ABCC6: variants seen among roughly 807,000 people sequenced by gnomAD.
ABCC6 encodes the protein ATP binding cassette subfamily C member 6.
Under a neutral mutation model 169.5 loss-of-function variants are expected in ABCC6, and 126 were observed. The ratio of observed to expected loss-of-function variants is 0.74; its 90% CI spans 0.64 to 0.86. ABCC6 has a LOEUF of 0.86. ABCC6 is among the 40% of genes least tolerant of loss of function. The probability of loss-of-function intolerance (pLI) is 0.00; values close to 1 mark genes in which losing one functional copy is unlikely to be tolerated. For missense variants in ABCC6, 1,733 were observed against 1,927.2 expected (o/e 0.90, Z 1.89); for synonymous variants, 752 against 814.7 (o/e 0.92, Z 1.31).
intron 23 of ABCC6, among the ~76,000 whole-genome samples, chr16:16,165,031 A>G (rs1458767406): frequency 6.6e-6 from 1 of 152,254 alleles, no homozygotes; most frequent in Non-Finnish European, 1.5e-5. Context: ...AGACCTTGCA[A>G]TGCCTTTTTG....
intron 7 of ABCC6, among the ~76,000 whole-genome samples, chr16:16,205,569 G>C (rs2048369620): frequency 6.6e-6 from 1 of 152,070 alleles, no homozygotes. Context: ...CTGTTACTGA[G>C]TGGGTGTGGC....
At position 16,169,715 on chromosome 16, in the gene ABCC6, C is replaced by A. The variant is rs1310683915; in HGVS notation, c.2926G>T (p.Ala976Ser). The change falls in exon 22 of 31, where the codon GCA becomes TCA. Residue 976 changes from alanine to serine, a missense_variant. Transcript: ENST00000205557. ...YWLSLWADDP[A>S]VGGQQTQAAL... ...GCCTGCGTCTGCTGCCCACCTACTG[C>A]AGGGTCGTCCGCCCACAGGCTCAGC... 2 of 1,610,696 alleles carry A rather than the reference C, an allele frequency of 1.2e-6. No homozygotes were observed. The highest frequency in any genetic ancestry group is 1.7e-6 in the Non-Finnish European group (2 of 1,179,278).
chr16:16,188,850 G>A lies in ABCC6; in HGVS notation c.1760C>T (p.Ser587Phe). Reference sequence around the variant, plus strand: ...CCTCACCTGGACGAGGGAGTGGATGGAGAAGGGCAGGAAAGCCTGGGCCTT... The same window carrying A: ...CCTCACCTGGACGAGGGAGTGGATGAAGAAGGGCAGGAAAGCCTGGGCCTT... ...LNKAQAFLPF[S>F]IHSLVQARVS... The change falls in exon 13 of 31, where the codon TCC becomes TTC. Residue 587 changes from serine to phenylalanine, a missense_variant. By Grantham distance (155) the Ser-to-Phe change is radical. Coordinates refer to ENST00000205557, the MANE Select transcript of ABCC6 (RefSeq NM_001171.6). 2 of 1,614,004 alleles carry A rather than the reference G, an allele frequency of 1.2e-6. No homozygotes were observed. The highest frequency in any genetic ancestry group is 1.7e-6 in the Non-Finnish European group (2 of 1,179,990).
chr16:16,198,009 C>T lies in ABCC6; in HGVS notation c.1338+12G>A. ...GACTCCGTTCAAATCCCGTCTTCCT[C>T]CTCTGGCATACCTGCCAGAGATAGA... On this transcript the variant is annotated intron_variant, in intron 10 of 30. Transcript: ENST00000205557. 2 of 1,613,598 alleles carry T rather than the reference C, an allele frequency of 1.2e-6. No individual in the cohort carries two copies. The highest frequency in any genetic ancestry group is 1.1e-5 in the South Asian group (1 of 90,960).
intron 11 of ABCC6, among the ~76,000 whole-genome samples, chr16:16,192,096 G>C (rs1184990978): frequency 6.6e-6 from 1 of 152,206 alleles, no homozygotes; most frequent in Non-Finnish European, 1.5e-5. Flanking sequence ...TTCCTTGCTG[G>C]AGGGTGGTGA....
At chr16:16,150,309 C>T in intron 30 of ABCC6, 68 bp from the exon 31 acceptor site, 1 of 1,607,212 alleles carries the variant, frequency 6.2e-7, no homozygotes, top group Non-Finnish European at 8.5e-7. Context: ...CTGTGAGAGC[C>T]CAGTGTGTCT....
At chr16:16,199,017 G>A (rs1333943589) in intron 9 of ABCC6, among the ~76,000 whole-genome samples, 1 of 130,650 alleles carries the variant, frequency 7.7e-6, no homozygotes, top group Non-Finnish European at 1.8e-5. Flanking sequence ...GAAAAAATTA[G>A]CCAGGCATGG....
In ABCC6 at chr16:16,161,433, A is replaced by T; in HGVS notation, c.3633+5T>A. 1 of 1,613,732 alleles carries T rather than the reference A, an allele frequency of 6.2e-7. No homozygotes were observed. Among genetic ancestry groups the T allele is most frequent in the East Asian group, 2.2e-5 (1 of 44,876 alleles). On this transcript the variant is annotated splice_donor_5th_base_variant and intron_variant, in intron 25 of 30. Transcript: ENST00000205557. ...TCAAGCCCAGTTTGGGGATGTGGGGAGTACCTGGAGGGCAGCAGAGACAGA... is the reference window on the plus strand; with the variant it reads ...TCAAGCCCAGTTTGGGGATGTGGGGTGTACCTGGAGGGCAGCAGAGACAGA...
chr16:16,189,981 A>G (rs2152269690), intron 12 of ABCC6, among the ~76,000 whole-genome samples, 183 bp downstream of exon 12: 1 of 152,252 alleles, frequency 6.6e-6, no homozygotes, highest in South Asian at 2.1e-4. Context: ...CACCTTTGCT[A>G]GAATAATATG....
At chr16:16,220,906 A>C (rs576684827) in intron 2 of ABCC6, among the ~76,000 whole-genome samples, 29 of 152,146 alleles carry the variant, frequency 1.9e-4, no homozygotes, top group Middle Eastern at 3.4e-3. Context: ...TCAAAAAAAA[A>C]AAACAAACAA....
At chr16:16,192,121 A>C (rs1388230421) in intron 11 of ABCC6, among the ~76,000 whole-genome samples, 2 of 152,124 alleles carry the variant, frequency 1.3e-5, no homozygotes, top group Non-Finnish European at 2.9e-5. Context: ...AGCCGCCCTG[A>C]CTGCAGGGAG....
chr16:16,214,296 G>A (rs1472203752), intron 5 of ABCC6, 28 bp downstream of exon 5: 17 of 1,550,116 alleles, frequency 1.1e-5, no homozygotes, highest in Non-Finnish European at 1.4e-5. Flanking sequence ...AAGTGGAACA[G>A]GAATGAGGTT....
At chr16:16,193,606 C>G (rs536891894) in intron 10 of ABCC6, among the ~76,000 whole-genome samples, 2 of 152,062 alleles carry the variant, frequency 1.3e-5, no homozygotes, top group Non-Finnish European at 2.9e-5. Flanking sequence ...CCCAGCTACT[C>G]GAGAGGCTGA....
At position 16,161,448 on chromosome 16, in the gene ABCC6, G is replaced by A. The variant is rs1479203324; in HGVS notation, c.3623C>T (p.Ala1208Val). 3.1e-6 allele frequency: 5 copies of A among 1,613,892 alleles called. No homozygotes were observed. In the South Asian group the frequency reaches 5.5e-5, roughly 18 times the overall value. The change falls in exon 25 of 31, where the codon GCT (alanine) becomes GTT (valine). Residue 1208 changes from alanine to valine, a missense_variant. Physicochemically the swap from Ala to Val is moderately conservative, Grantham distance 64 (BLOSUM62 0). This residue lies in a region of ABCC6 where 1,601 missense variants were observed against 1,635.5 expected (regional missense o/e 0.98). Transcript: ENST00000205557. Reference sequence around the variant, plus strand: ...GGATGTGGGGAGTACCTGGAGGGCAGCAGAGACAGAGAAGCCCACGAGGCC... The same window carrying A: ...GGATGTGGGGAGTACCTGGAGGGCAACAGAGACAGAGAAGCCCACGAGGCC... ...SAGLVGFSVS[A>V]ALQVTQTLQW...
chr16:16,205,262 T>C (rs2376792), intron 7 of ABCC6, among the ~76,000 whole-genome samples: 8 of 152,100 alleles, frequency 5.3e-5, no homozygotes, highest in East Asian at 1.9e-4. Flanking sequence ...TTATTAGGTT[T>C]TCCATTTTAC....
chr16:16,184,944 G>A lies in ABCC6; in HGVS notation c.1943+15C>T. ...TAAAAACATGAGGCTGGTTACTACG[G>A]GTGTCGTTCTGTACCTGTGGAGGCA... On this transcript the variant is annotated intron_variant, in intron 15 of 30. Coordinates refer to ENST00000205557, the MANE Select transcript of ABCC6 (RefSeq NM_001171.6). The A allele has an allele frequency of 1.2e-6, 2 of 1,608,820 alleles. No individual in the cohort carries two copies. Among genetic ancestry groups the A allele is most frequent in the Non-Finnish European group, 8.5e-7 (1 of 1,175,142 alleles).
intron 11 of ABCC6, among the ~76,000 whole-genome samples, chr16:16,190,941 T>A (rs888544271): frequency 1.1e-4 from 2 of 19,026 alleles, no homozygotes; most frequent in African/African-American, 4.2e-4. Flanking sequence ...GGTAGGGGGG[T>A]GGCGGGGGCA....
chr16:16,159,708 TG>T, intron 25 of ABCC6, 125 bp from the exon 26 acceptor site: 2 of 817,762 alleles, frequency 2.4e-6, no homozygotes, highest in Middle Eastern at 2.3e-4. Context: ...GAGGCAGGAA[TG>T]GGACAGTCTG....
At chr16:16,157,607 C>T (rs2046590761) in intron 27 of ABCC6, 56 bp downstream of exon 27, 1 of 1,610,742 alleles carries the variant, frequency 6.2e-7, no homozygotes, top group Non-Finnish European at 8.5e-7. Flanking sequence ...GGGCCTTGTC[C>T]CTGGAGTCCT....
Sources: allele counts gnomAD v4.1 joint callset (sites outside exome capture counted in the v4.1 genomes callset), GRCh38; gene constraint gnomAD v4.1.1; regional missense constraint gnomAD v4.1.1; transcripts MANE v1.5; gene names NCBI Gene and HGNC (gene_info 2026-07-23, HGNC 2026-07-21).